The following AJAP1 variants were observed in gnomAD, a reference collection of about 807,000 sequenced individuals.
AJAP1 encodes the protein adherens junction-associated protein 1.
In AJAP1, 5 loss-of-function variants were observed where a neutral mutation model predicts 35.0. The ratio of observed to expected loss-of-function variants is 0.14; its 90% confidence interval spans 0.07 to 0.30. The LOEUF is 0.30. Among genes scored for constraint, AJAP1 ranks in the 10% least tolerant of loss-of-function variants. The pLI, the probability that AJAP1 is intolerant of heterozygous loss-of-function variation, is 1.00. For missense variants in AJAP1, 586 were observed against 571.0 expected (o/e 1.03, Z -0.27); for synonymous variants, 284 against 249.3 (o/e 1.14, Z -1.31).
At chr1:4,763,411 G>A (rs1422138040) in intron 2 of AJAP1, among the ~76,000 whole-genome samples, 1 of 152,170 alleles carries the variant, frequency 6.6e-6, no homozygotes, top group Non-Finnish European at 1.5e-5. Context: ...GACTTCCGAC[G>A]AGAGGAGACT....
At chr1:4,758,939 C>T (rs1315693774) in intron 2 of AJAP1, among the ~76,000 whole-genome samples, 1 of 152,212 alleles carries the variant, frequency 6.6e-6, no homozygotes, top group Non-Finnish European at 1.5e-5. Context: ...GGGTTACAGG[C>T]TTTCTGTGCA....
At chr1:4,677,464 G>T (rs1408985084) in intron 1 of AJAP1, among the ~76,000 whole-genome samples, 1 of 152,044 alleles carries the variant, frequency 6.6e-6, no homozygotes, top group Admixed American at 6.6e-5. Context: ...AAATGCAGGA[G>T]GGCTTCCACA....
intron 4 of AJAP1, among the ~76,000 whole-genome samples, chr1:4,773,973 T>C (rs1641893010): frequency 6.6e-6 from 1 of 152,236 alleles, no homozygotes; most frequent in Non-Finnish European, 1.5e-5. Flanking sequence ...TTGGGTTTCA[T>C]TGGCCTTGGG....
At chr1:4,781,854 G>C (rs1056654252) in intron 5 of AJAP1, among the ~76,000 whole-genome samples, 1 of 152,222 alleles carries the variant, frequency 6.6e-6, no homozygotes, top group South Asian at 2.1e-4. Context: ...TCCATTTTCC[G>C]AGGCTCGGGC....
At chr1:4,737,257 ATGAGCCTGAGCC>A (rs113977097) in intron 2 of AJAP1, among the ~76,000 whole-genome samples, 3 of 152,056 alleles carry the variant, frequency 2.0e-5, no homozygotes, top group East Asian at 1.9e-4. Flanking sequence ...GGGAAAAAGC[ATGAGCCTGAGCC>A]TGAGCCTGAG....
chr1:4,715,078 A>G (rs943541014), intron 2 of AJAP1, among the ~76,000 whole-genome samples: 3 of 152,204 alleles, frequency 2.0e-5, no homozygotes, highest in Non-Finnish European at 4.4e-5. Context: ...GCTTCCCCAG[A>G]TGGAAGGAGT....
chr1:4,750,879 T>C (rs1198202222), intron 2 of AJAP1, among the ~76,000 whole-genome samples: 1 of 140,904 alleles, frequency 7.1e-6, no homozygotes, highest in Non-Finnish European at 1.6e-5. Context: ...GGTGGCATAC[T>C]AGATGGAACT....
At chr1:4,714,595 A>G (rs1212129748) in intron 2 of AJAP1, among the ~76,000 whole-genome samples, 1 of 152,254 alleles carries the variant, frequency 6.6e-6, no homozygotes, top group Non-Finnish European at 1.5e-5. Flanking sequence ...TTGCTAATCC[A>G]TCTCGACAGA....
At position 4,772,478 on chromosome 1, in the gene AJAP1, G is replaced by T. The variant is rs200189224; in HGVS notation, c.1116G>T (p.Thr372=). 1.2e-6 allele frequency: 2 copies of T among 1,614,132 alleles called. No homozygotes were observed. The highest frequency in any genetic ancestry group is 1.3e-5 in the African/African-American group (1 of 74,954). ...CTGTGCCCGTGTACACCGATGAGAC[G>T]CTGCACTCGACGACGGGGGAGTACA... ...RASVPVYTDE[T]LHSTTGEYKS... Residue 372 remains threonine, a synonymous_variant, in exon 4 of 6, where the codon ACG becomes ACT. Transcript: ENST00000378191.
At chr1:4,675,867 G>A (rs1639350945) in intron 1 of AJAP1, among the ~76,000 whole-genome samples, 1 of 152,242 alleles carries the variant, frequency 6.6e-6, no homozygotes, top group South Asian at 2.1e-4. Context: ...TAGGAGAGAA[G>A]ATGGATGGTG....
rs559349474 is a variant in AJAP1, at chr1:4,729,210, C to T, written c.829+16511C>T. On this transcript the variant is annotated intron_variant, in intron 2 of 5. Coordinates refer to ENST00000378191, the MANE Select transcript of AJAP1 (RefSeq NM_018836.4). ...AATAAGCGGGCCCAGCCTCACAGCCCGGGATGCAGATGAGTCTCCCTTTCT... is the reference window on the plus strand; with the variant it reads ...AATAAGCGGGCCCAGCCTCACAGCCTGGGATGCAGATGAGTCTCCCTTTCT... Among the ~76,000 whole-genome samples, 36 of 152,316 alleles carry T rather than the reference C, an allele frequency of 2.4e-4. 1 individual carries two copies. In the South Asian group the frequency reaches 7.3e-3, roughly 31 times the overall value.
At chr1:4,760,577 G>A (rs557852343) in intron 2 of AJAP1, among the ~76,000 whole-genome samples, 21 of 152,302 alleles carry the variant, frequency 1.4e-4, no homozygotes, top group Middle Eastern at 3.4e-3. Context: ...CATGGCTGGG[G>A]AGCCACATTT....
At chr1:4,743,206 A>C (rs1641110461) in intron 2 of AJAP1, among the ~76,000 whole-genome samples, 2 of 152,172 alleles carry the variant, frequency 1.3e-5, no homozygotes, top group South Asian at 4.1e-4. Flanking sequence ...CCACAGAGTG[A>C]TTTTGGCTCT....
In AJAP1 at chr1:4,656,686, A is replaced by T. The variant is rs1235710906; in HGVS notation, c.29+1232A>T. On this transcript the variant is annotated intron_variant, in intron 1 of 5. Coordinates refer to ENST00000378191, the MANE Select transcript of AJAP1 (RefSeq NM_018836.4). The surrounding 1 kb of genome is among the most constrained non-coding windows in gnomAD (Gnocchi z 5.7). ...GCCGATTCTGCTCCCAGAGGTGAAT[A>T]CTGTGTAACACATCTAGTGAACATT... Among the ~76,000 whole-genome samples the T allele has an allele frequency of 6.6e-6, 1 of 152,160 alleles. No individual in the cohort carries two copies. Among genetic ancestry groups the T allele is most frequent in the Non-Finnish European group, 1.5e-5 (1 of 68,028 alleles).
intron 2 of AJAP1, among the ~76,000 whole-genome samples, chr1:4,737,324 C>T (rs867080300): frequency 1.2e-4 from 18 of 152,156 alleles, no homozygotes; most frequent in African/African-American, 3.9e-4. Context: ...CCCCCGTCAC[C>T]ACCCACCCCT....
chr1:4,692,756 C>G lies in AJAP1; in HGVS notation c.30-19144C>G, dbSNP rs1639773135. Among the ~76,000 whole-genome samples the G allele has an allele frequency of 6.6e-6, 1 of 152,216 alleles. No homozygotes were observed. The highest frequency in any genetic ancestry group is 2.4e-5 in the African/African-American group (1 of 41,452). ...ACCCTGGCACTCTGCTGTCCTCCCT[C>G]CAGGTCTTGTCAGCTGAAATGCCTG... On this transcript the variant is annotated intron_variant, in intron 1 of 5. Transcript: ENST00000378191. This position sits in a 1 kb window ranked among gnomAD's most constrained non-coding sequence, Gnocchi z 4.4.
At chr1:4,739,503 G>A (rs145761441) in intron 2 of AJAP1, among the ~76,000 whole-genome samples, 5 of 152,312 alleles carry the variant, frequency 3.3e-5, no homozygotes, top group African/African-American at 1.2e-4. Flanking sequence ...AAGTCAAAAA[G>A]TTAATTTGAT....
At chr1:4,690,969 C>T (rs1257683734) in intron 1 of AJAP1, among the ~76,000 whole-genome samples, 1 of 152,168 alleles carries the variant, frequency 6.6e-6, no homozygotes, top group Non-Finnish European at 1.5e-5. Context: ...AAGGGCAGGC[C>T]ATGTCTGCCT....
rs1224367751 is a variant in AJAP1, at chr1:4,784,602, T to C, written c.*2117T>C. On this transcript the variant is annotated 3_prime_UTR_variant, in exon 6 of 6. Coordinates refer to ENST00000378191, the MANE Select transcript of AJAP1 (RefSeq NM_018836.4). ...TCTCCTGAAACATGTGAACCTAGAG[T>C]AAGGCCTCCGGAGGTGAAAGGATTG... 6.6e-6 allele frequency: 1 copy of C among 152,080 alleles called. No homozygotes were observed. Among genetic ancestry groups the C allele is most frequent in the African/African-American group, 2.4e-5 (1 of 41,394 alleles). 9.4% of individuals were successfully genotyped at this position (152,080 alleles called of 1,614,324 possible). A position where few individuals can be genotyped will look rare whatever the true frequency, so the allele number is the denominator to read the frequency against.
Sources: allele counts gnomAD v4.1 joint callset (sites outside exome capture counted in the v4.1 genomes callset), GRCh38; gene constraint gnomAD v4.1.1; non-coding constraint Gnocchi (gnomAD v3.1); transcripts MANE v1.5; gene names NCBI Gene and HGNC (gene_info 2026-07-23, HGNC 2026-07-21).